SYNPO2: variants seen among roughly 807,000 people sequenced by gnomAD.
The protein encoded by SYNPO2 is synaptopodin 2.
SYNPO2 carries 56 observed loss-of-function variants against 85.0 expected under a neutral mutation model. The ratio of observed to expected loss-of-function variants is 0.66; its 90% confidence interval spans 0.53 to 0.82. The LOEUF is 0.82. SYNPO2 is among the 40% of genes least tolerant of loss of function. The pLI is 0.00. For synonymous variants in SYNPO2, 602 were observed against 591.1 expected (o/e 1.02, Z -0.27); for missense variants, 1,575 against 1,534.2 (o/e 1.03, Z -0.44).
intron 1 of SYNPO2, among the ~76,000 whole-genome samples, chr4:119,005,465 C>T (rs1459231766): frequency 6.8e-6 from 1 of 148,038 alleles, no homozygotes; most frequent in Non-Finnish European, 1.5e-5. Flanking sequence ...GTTTTCCCAG[C>T]ACCATTTATT....
At chr4:118,889,248 A>T (rs1732286089) in intron 1 of SYNPO2, 107 bp downstream of exon 1, 1 of 1,067,308 alleles carries the variant, frequency 9.4e-7, no homozygotes, top group South Asian at 1.7e-5. Context: ...GTATTATTTG[A>T]TTTTGCTGCG....
chr4:118,944,858 A>G (rs1357727460), intron 1 of SYNPO2, among the ~76,000 whole-genome samples: 1 of 152,192 alleles, frequency 6.6e-6, no homozygotes, highest in Non-Finnish European at 1.5e-5. Flanking sequence ...CATTTAAAAT[A>G]TACCATCAAT....
chr4:118,879,079 A>G (rs1732002048), intron 1 of SYNPO2, among the ~76,000 whole-genome samples: 1 of 152,212 alleles, frequency 6.6e-6, no homozygotes, highest in Non-Finnish European at 1.5e-5. Flanking sequence ...CTCACTGTTA[A>G]GGTGTGCCAC....
chr4:118,938,295 G>A (rs1175052802), intron 1 of SYNPO2, among the ~76,000 whole-genome samples: 3 of 152,110 alleles, frequency 2.0e-5, no homozygotes, highest in Non-Finnish European at 4.4e-5. Flanking sequence ...ACTCCAGTCT[G>A]GCTGACGGAG....
chr4:118,993,921 T>C (rs1736495318), intron 1 of SYNPO2, among the ~76,000 whole-genome samples: 1 of 152,240 alleles, frequency 6.6e-6, no homozygotes, highest in African/African-American at 2.4e-5. Flanking sequence ...ATGCTTTGCC[T>C]AGTCTTACCT....
chr4:119,010,372 C>T (rs375435172), intron 1 of SYNPO2, among the ~76,000 whole-genome samples: 38 of 152,212 alleles, frequency 2.5e-4, no homozygotes, highest in African/African-American at 7.2e-4. Context: ...TATGTGGCAG[C>T]GGCAAGAGAA....
At chr4:118,880,973 G>T (rs1337633688) in intron 1 of SYNPO2, among the ~76,000 whole-genome samples, 1 of 151,898 alleles carries the variant, frequency 6.6e-6, no homozygotes, top group Non-Finnish European at 1.5e-5. Context: ...GGTCTTTAGG[G>T]TGGGCCCTAA....
chr4:119,005,176 T>C (rs952962157), intron 1 of SYNPO2, among the ~76,000 whole-genome samples: 69 of 152,322 alleles, frequency 4.5e-4, no homozygotes, highest in Admixed American at 1.5e-3. Flanking sequence ...ATTGTGTAGG[T>C]TGCCTCTTCA....
intron 2 of SYNPO2, among the ~76,000 whole-genome samples, chr4:119,025,021 G>A (rs1298655414): frequency 4.6e-5 from 7 of 152,168 alleles, no homozygotes; most frequent in African/African-American, 1.7e-4. Flanking sequence ...TGGACTTGAT[G>A]AATACCTATG....
At chr4:119,023,076 T>C (rs933908969) in intron 1 of SYNPO2, among the ~76,000 whole-genome samples, 15 of 152,160 alleles carry the variant, frequency 9.9e-5, no homozygotes, top group Admixed American at 9.2e-4. Flanking sequence ...ACGCCTGGCC[T>C]GAATAATTAT....
At chr4:118,983,596 C>T (rs1281211335) in intron 1 of SYNPO2, among the ~76,000 whole-genome samples, 2 of 152,188 alleles carry the variant, frequency 1.3e-5, no homozygotes, top group Non-Finnish European at 2.9e-5. Context: ...CAATAACAAG[C>T]ATACTCACTC....
At chr4:119,007,395 C>T (rs575401203) in intron 1 of SYNPO2, among the ~76,000 whole-genome samples, 1 of 143,964 alleles carries the variant, frequency 6.9e-6, no homozygotes, top group South Asian at 2.2e-4. Flanking sequence ...ATGTTAAAAA[C>T]AAAAACAAAA....
In SYNPO2 at chr4:118,860,283, G is replaced by A. The variant is rs568164140; in HGVS notation, c.12+9343G>A. On this transcript the variant is annotated intron_variant, in intron 1 of 4. Transcript: ENST00000610556. ...TGTTGAGACAGGGTCTCACTCTGTC[G>A]CCCAGGCTGGAGTGTAGTGGCATGA... Among the ~76,000 whole-genome samples the A allele has an allele frequency of 1.4e-4, 22 of 152,134 alleles. No individual in the cohort carries two copies. In the South Asian group the frequency reaches 2.7e-3, roughly 19 times the overall value.
At chr4:118,879,402 T>G (rs774838960) in intron 1 of SYNPO2, among the ~76,000 whole-genome samples, 2 of 152,172 alleles carry the variant, frequency 1.3e-5, no homozygotes, top group African/African-American at 2.4e-5. Context: ...TATTTGGAAG[T>G]GGGGCTGTGC....
chr4:118,908,848 T>C (rs1451052303), intron 1 of SYNPO2, among the ~76,000 whole-genome samples: 1 of 152,218 alleles, frequency 6.6e-6, no homozygotes, highest in Non-Finnish European at 1.5e-5. Flanking sequence ...AAAAGTACTA[T>C]AAAAACCTTT....
intron 1 of SYNPO2, among the ~76,000 whole-genome samples, chr4:118,851,238 A>G (rs1731415323): frequency 6.6e-6 from 1 of 152,158 alleles, no homozygotes; most frequent in Admixed American, 6.5e-5. Context: ...GTCTTTCAAC[A>G]ACTTTTTGGT....
At position 118,961,193 on chromosome 4, in the gene SYNPO2, T is replaced by C. The variant is rs184477416; in HGVS notation, c.106-62237T>C. 1.4e-3 allele frequency among the ~76,000 whole-genome samples: 209 copies of C among 144,848 alleles called. 1 individual carries two copies. The highest frequency in any genetic ancestry group is 5.1e-3 in the African/African-American group (199 of 38,646). ...GGAGAACCTACTGGCCTCTAGTGAG[T>C]AGAGTCCAGGAATGCTGCTGAACAT... On this transcript the variant is annotated intron_variant, in intron 1 of 4. Transcript: ENST00000307142.
intron 4 of SYNPO2, chr4:119,036,641 C>T: frequency 2.3e-5 from 23 of 985,454 alleles, no homozygotes; most frequent in Non-Finnish European, 2.7e-5. Flanking sequence ...ACAGGTCATC[C>T]TATGAGCGTC....
At chr4:118,968,062 G>GAGATATGGAAATGAT (rs1735383228) in intron 1 of SYNPO2, among the ~76,000 whole-genome samples, 1 of 152,200 alleles carries the variant, frequency 6.6e-6, no homozygotes, top group Non-Finnish European at 1.5e-5. Context: ...GACTTGCTGA[G>GAGATATGGAAATGAT]CATTTCCTTG....
Sources: allele counts gnomAD v4.1 joint callset (sites outside exome capture counted in the v4.1 genomes callset), GRCh38; gene constraint gnomAD v4.1.1; transcripts MANE v1.5; gene names NCBI Gene and HGNC (gene_info 2026-07-23, HGNC 2026-07-21).